The following SP110 variants were observed in gnomAD, a reference collection of about 807,000 sequenced individuals.
SP110 encodes SP110 nuclear body protein, also known as interferon-induced protein 41, 30kD.
SP110 carries 62 observed loss-of-function variants against 92.7 expected under a neutral mutation model. The observed-to-expected ratio is 0.67, with a 90% CI of 0.55 to 0.83. SP110 has a LOEUF of 0.83. Ranked by LOEUF, SP110 falls within the 40% of genes least tolerant of loss-of-function variation. The pLI, the probability that SP110 is intolerant of heterozygous loss-of-function variation, is 0.00. For missense variants in SP110, 793 were observed against 863.9 expected (o/e 0.92, Z 1.03); for synonymous variants, 273 against 305.3 (o/e 0.89, Z 1.10).
In SP110 at chr2:230,172,181, G is replaced by C; in HGVS notation, c.1707-7C>G. Reference sequence around the variant, plus strand: ...GGTGCAACTCCACAGCATCCTGAGAGGTTGGACACAAGGTGAGCAGAGGGC... The same window carrying C: ...GGTGCAACTCCACAGCATCCTGAGACGTTGGACACAAGGTGAGCAGAGGGC... On this transcript the variant is annotated splice_region_variant and splice_polypyrimidine_tract_variant and intron_variant, in intron 15 of 18. Coordinates refer to ENST00000258381, the MANE Select transcript of SP110 (RefSeq NM_080424.4). The C allele has an allele frequency of 6.4e-7, 1 of 1,570,752 alleles. No individual in the cohort carries two copies. The highest frequency in any genetic ancestry group is 8.8e-7 in the Non-Finnish European group (1 of 1,139,930).
chr2:230,170,549 C>G, intron 18 of SP110, 72 bp downstream of exon 18: 1 of 1,581,784 alleles, frequency 6.3e-7, no homozygotes, highest in Non-Finnish European at 8.7e-7. Context: ...GTAATACTTG[C>G]AAAATTCTGC....
rs115347862 is a variant in SP110 at position 230,170,643 on chromosome 2, C to T, written c.2006G>A (p.Arg669His). The change falls in exon 18 of 19, where the codon CGC (arginine) becomes CAC (histidine). Residue 669 changes from arginine to histidine, a missense_variant. Arg to His is a conservative substitution (Grantham distance 29). Coordinates refer to ENST00000258381, the MANE Select transcript of SP110 (RefSeq NM_080424.4). ...TACCTTGTAAAATGTTTTATGGTTG[C>T]GAAACATCAGGCGCATGTCTCGCAC... ...WFVRDMRLMF[R>H]NHKTFYKASD... 2,310 of 1,614,102 alleles carry T rather than the reference C, an allele frequency of 1.4e-3. 22 individuals are homozygous for T. In the South Asian group the frequency reaches 0.016, roughly 11 times the overall value.
chr2:230,166,832 A>G lies in SP110; in HGVS notation c.*2292T>C, dbSNP rs992029050. On this transcript the variant is annotated 3_prime_UTR_variant, in exon 19 of 19. Coordinates refer to ENST00000258381, the MANE Select transcript of SP110 (RefSeq NM_080424.4). Reference sequence around the variant, plus strand: ...TATCATACATATAAATCATGTATCAAGGAAAATTTCCTGCCCTGGGATTAG... The same window carrying G: ...TATCATACATATAAATCATGTATCAGGGAAAATTTCCTGCCCTGGGATTAG... 2.6e-5 allele frequency among the ~76,000 whole-genome samples: 4 copies of G among 152,186 alleles called. No individual in the cohort carries two copies. The highest frequency in any genetic ancestry group is 9.7e-5 in the African/African-American group (4 of 41,444).
intron 14 of SP110, among the ~76,000 whole-genome samples, chr2:230,175,495 C>T (rs532755343): frequency 1.3e-5 from 2 of 152,288 alleles, no homozygotes; most frequent in Non-Finnish European, 2.9e-5. Context: ...ACCCCTGATT[C>T]TCAGGGTATT....
upstream of SP110, chr2:230,221,877 T>C (rs1295440837): frequency 2.8e-6 from 2 of 705,886 alleles, no homozygotes; most frequent in Non-Finnish European, 4.8e-6. Flanking sequence ...AGGCAAAAAT[T>C]GTTACATGAA....
chr2:230,216,177 A>G (rs1394663822), intron 2 of SP110, among the ~76,000 whole-genome samples: 3 of 152,236 alleles, frequency 2.0e-5, no homozygotes, highest in African/African-American at 7.2e-5. Context: ...TGAATGTTGG[A>G]TGGATATATC....
intron 10 of SP110, among the ~76,000 whole-genome samples, chr2:230,196,350 G>A (rs1187905970): frequency 6.6e-6 from 1 of 151,912 alleles, no homozygotes; most frequent in African/African-American, 2.4e-5. Context: ...CATACGTAAC[G>A]TGCCATGCAG....
chr2:230,170,486 T>C, intron 18 of SP110, 135 bp downstream of exon 18: 3 of 1,089,394 alleles, frequency 2.8e-6, no homozygotes, highest in Non-Finnish European at 4.1e-6. Flanking sequence ...CCGAGGTGGT[T>C]TTTTTTCTGT....
chr2:230,178,540 C>T (rs2041972447), intron 12 of SP110, among the ~76,000 whole-genome samples: 2 of 152,104 alleles, frequency 1.3e-5, no homozygotes, highest in South Asian at 4.2e-4. Flanking sequence ...TTGGCTGTCA[C>T]TGAATAGTCT....
intron 14 of SP110, among the ~76,000 whole-genome samples, chr2:230,175,942 A>ATTTTTTTTTTTTT (rs769329922): frequency 1.0e-5 from 1 of 97,534 alleles, no homozygotes; most frequent in African/African-American, 3.3e-5. Context: ...ATGCTGCAGC[A>ATTTTTTTTTTTTT]TTCTTTTTTT....
chr2:230,174,230 G>T (rs1188036576), intron 14 of SP110: 1 of 152,226 alleles, frequency 6.6e-6, no homozygotes, highest in African/African-American at 2.4e-5. Flanking sequence ...CCCTGACACT[G>T]TCAAAAAATA....
chr2:230,181,444 C>T (rs2042124328), intron 12 of SP110, among the ~76,000 whole-genome samples: 1 of 152,144 alleles, frequency 6.6e-6, no homozygotes, highest in Non-Finnish European at 1.5e-5. Context: ...AAGATAAGTG[C>T]CATGAAGACA....
At chr2:230,178,336 A>G (rs1281810545) in intron 12 of SP110, 81 bp from the exon 13 acceptor site, 4 of 816,066 alleles carry the variant, frequency 4.9e-6, no homozygotes, top group African/African-American at 1.7e-5. Context: ...ATGAATTCCA[A>G]TAATGTACAG....
At chr2:230,213,048 C>T (rs2044669779) in intron 3 of SP110, 21 bp from the exon 4 acceptor site, 1 of 1,612,708 alleles carries the variant, frequency 6.2e-7, no homozygotes, top group Admixed American at 1.7e-5. Context: ...TGAAGGGACA[C>T]ACATCAGTAC....
At position 230,194,428 on chromosome 2, in the gene SP110, G is replaced by C. The variant is rs527477351; in HGVS notation, c.1129+6457C>G. On this transcript the variant is annotated intron_variant, in intron 10 of 18. Coordinates refer to ENST00000258381, the MANE Select transcript of SP110 (RefSeq NM_080424.4). The stretch of plus-strand genomic sequence containing the variant: ...CAGCCTGGACAACATAGCAAGACCT[G>C]GTCTATACAAAAAATTTACAAAATA... 4.6e-4 allele frequency among the ~76,000 whole-genome samples: 69 copies of C among 150,936 alleles called. 1 individual carries two copies. Among genetic ancestry groups the C allele is most frequent in the African/African-American group, 1.6e-3 (64 of 41,004 alleles).
chr2:230,175,335 G>A (rs1368825689), intron 14 of SP110, among the ~76,000 whole-genome samples: 1 of 151,988 alleles, frequency 6.6e-6, no homozygotes, highest in Non-Finnish European at 1.5e-5. Flanking sequence ...ATGAATCCAT[G>A]TATTTAAACA....
chr2:230,172,588 C>T (rs2078475770), intron 15 of SP110: 1 of 546,246 alleles, frequency 1.8e-6, no homozygotes. Context: ...CATAAGCTGG[C>T]TTTTCCCGTC....
At chr2:230,187,942 T>G (rs1017012469) in intron 10 of SP110, among the ~76,000 whole-genome samples, 1 of 152,232 alleles carries the variant, frequency 6.6e-6, no homozygotes, top group Non-Finnish European at 1.5e-5. Flanking sequence ...TCCAGATTTG[T>G]TCTTTTTGCT....
chr2:230,183,537 GC>G, intron 12 of SP110, 34 bp downstream of exon 12: 1 of 1,430,742 alleles, frequency 7.0e-7, no homozygotes, highest in Non-Finnish European at 9.9e-7. Context: ...GCTCTGGGGA[GC>G]CCAGTGGGGA....
Sources: allele counts gnomAD v4.1 joint callset (sites outside exome capture counted in the v4.1 genomes callset), GRCh38; gene constraint gnomAD v4.1.1; transcripts MANE v1.5; gene names NCBI Gene and HGNC (gene_info 2026-07-23, HGNC 2026-07-21).